FGF14: variants seen among roughly 807,000 people sequenced by gnomAD.
FGF14 encodes fibroblast growth factor 14.
Under a neutral mutation model 25.5 loss-of-function variants are expected in FGF14, and 5 were observed. The ratio of observed to expected loss-of-function variants is 0.20; its 90% CI spans 0.10 to 0.41. FGF14 has a LOEUF of 0.41. FGF14 is among the 10% of genes least tolerant of loss of function. The pLI is 1.00. For missense variants in FGF14, 222 were observed against 320.1 expected, an observed-to-expected ratio of 0.69 and a Z score of 2.34; for synonymous variants, 138 against 118.3, an observed-to-expected ratio of 1.17 and a Z score of -1.08.
chr13:101,899,501 T>C (rs11840601), intron 1 of FGF14, among the ~76,000 whole-genome samples: 2,595 of 151,980 alleles, frequency 0.017, 87 homozygotes, highest in African/African-American at 0.056. Flanking sequence ...ATGAGTTCAA[T>C]AGCAAGAGAA....
At chr13:101,892,470 G>A (rs928381946) in intron 1 of FGF14, among the ~76,000 whole-genome samples, 3 of 152,070 alleles carry the variant, frequency 2.0e-5, no homozygotes, top group Non-Finnish European at 4.4e-5. Flanking sequence ...GAAATCCCTG[G>A]GCCTTGTAAT....
intron 1 of FGF14, among the ~76,000 whole-genome samples, chr13:102,029,985 C>T (rs2041129841): frequency 6.6e-6 from 1 of 151,930 alleles, no homozygotes; most frequent in South Asian, 2.1e-4. Flanking sequence ...GGGGGACAGT[C>T]AACAAACAAG....
chr13:101,884,062 C>CAAAAAAAAAAA (rs11315735), intron 1 of FGF14, among the ~76,000 whole-genome samples: 7 of 37,832 alleles, frequency 1.9e-4, no homozygotes, highest in African/African-American at 5.4e-4. Flanking sequence ...GACTCCATCT[C>CAAAAAAAAAAA]AAAAAAAAAA....
intron 1 of FGF14, among the ~76,000 whole-genome samples, chr13:102,021,445 TG>T (rs1243567428): frequency 7.2e-5 from 11 of 151,772 alleles, no homozygotes; most frequent in African/African-American, 2.7e-4. Flanking sequence ...AAGAGCCCTT[TG>T]GGAGAACTGT....
At chr13:102,297,287 A>G (rs1210024830) in intron 1 of FGF14, among the ~76,000 whole-genome samples, 1 of 152,164 alleles carries the variant, frequency 6.6e-6, no homozygotes, top group Non-Finnish European at 1.5e-5. Flanking sequence ...AAAACAGGGA[A>G]AGTTTGCAAA....
At position 101,871,055 on chromosome 13, in the gene FGF14, T is replaced by C. The variant is rs1032753494; in HGVS notation, c.305-2227A>G. Among the ~76,000 whole-genome samples the C allele has an allele frequency of 6.6e-5, 10 of 152,282 alleles. 1 individual carries two copies. Among genetic ancestry groups the C allele is most frequent in the Admixed American group, 4.6e-4 (7 of 15,288 alleles). ...AATGATAGTGGAAAGTGAATGCTTA[T>C]GTACACTAAAATGTGGAGAACCATT... is the stretch of plus-strand genomic sequence containing the variant. On this transcript the variant is annotated intron_variant, in intron 2 of 4. Coordinates refer to ENST00000376143, the MANE Select transcript of FGF14 (RefSeq NM_004115.4).
intron 3 of FGF14, among the ~76,000 whole-genome samples, chr13:101,762,384 A>C (rs1566868839): frequency 6.6e-6 from 1 of 152,224 alleles, no homozygotes; most frequent in Non-Finnish European, 1.5e-5. Context: ...TAAGATTCTA[A>C]ACAAGAAACT....
intron 1 of FGF14, among the ~76,000 whole-genome samples, chr13:102,038,712 T>C (rs2041591354): frequency 6.6e-6 from 1 of 152,162 alleles, no homozygotes; most frequent in South Asian, 2.1e-4. Context: ...TTTTATGTCA[T>C]AAAATAAAGC....
intron 3 of FGF14, among the ~76,000 whole-genome samples, chr13:101,731,652 G>A (rs1379752686): frequency 6.6e-6 from 1 of 152,140 alleles, no homozygotes; most frequent in South Asian, 2.1e-4. Context: ...AGAGACTTCT[G>A]GTTGGAAGGA....
At chr13:101,849,470 T>G in intron 3 of FGF14, among the ~76,000 whole-genome samples, 1 of 152,198 alleles carries the variant, frequency 6.6e-6, no homozygotes, top group East Asian at 1.9e-4. Flanking sequence ...CTCAAGCTTC[T>G]CCACACTTTC....
chr13:102,161,574 A>AAGAGGAAGAAGAAGAGG (rs1555369410), intron 1 of FGF14, among the ~76,000 whole-genome samples: 4 of 5,312 alleles, frequency 7.5e-4, no homozygotes, highest in Non-Finnish European at 1.3e-3. Context: ...GTGAAGAAAG[A>AAGAGGAAGAAGAAGAGG]AAGAAGAAGA....
chr13:101,916,666 C>G lies in FGF14; in HGVS notation c.-21G>C. On this transcript the variant is annotated 5_prime_UTR_variant, in exon 1 of 5. Coordinates refer to ENST00000376143, the MANE Select transcript of FGF14 (RefSeq NM_004115.4). ...GCCATGGTGGCCCCGGGAACGGGTC[C>G]GGGGAGGGAGGGCGCGGGAGGACGG... The G allele has an allele frequency of 3.3e-6, 5 of 1,508,454 alleles. No individual in the cohort carries two copies. Among genetic ancestry groups the G allele is most frequent in the East Asian group, 4.9e-5 (2 of 40,568 alleles). 93.4% of individuals were successfully genotyped at this position (1,508,454 alleles called of 1,614,324 possible).
chr13:101,922,857 A>G (rs2034101660), intron 1 of FGF14, among the ~76,000 whole-genome samples: 2 of 151,836 alleles, frequency 1.3e-5, no homozygotes, highest in Non-Finnish European at 2.9e-5. Context: ...TATCCTTCAA[A>G]TGAACAAAAA....
chr13:102,160,271 A>C (rs891700827), intron 1 of FGF14, among the ~76,000 whole-genome samples: 1 of 152,072 alleles, frequency 6.6e-6, no homozygotes, highest in Non-Finnish European at 1.5e-5. Context: ...TGGCCCATCC[A>C]ACTGTTTCTG....
intron 1 of FGF14, among the ~76,000 whole-genome samples, chr13:102,197,587 T>G (rs1244981631): frequency 6.6e-6 from 1 of 151,708 alleles, no homozygotes; most frequent in Non-Finnish European, 1.5e-5. Context: ...ATAAATATAT[T>G]TATGCATAAA....
intron 3 of FGF14, among the ~76,000 whole-genome samples, chr13:101,822,883 C>T (rs572733525): frequency 6.6e-6 from 1 of 152,280 alleles, no homozygotes; most frequent in African/African-American, 2.4e-5. Context: ...ATCCTTCTGT[C>T]CACAACTATC....
At chr13:102,352,067 T>A (rs931913716) in intron 1 of FGF14, among the ~76,000 whole-genome samples, 4 of 152,130 alleles carry the variant, frequency 2.6e-5, no homozygotes, top group African/African-American at 9.7e-5. Context: ...TACAAGCAAA[T>A]GTTTAAAACG....
rs1320130285 is a variant in FGF14, at chr13:102,256,329, CAAAAAAAAATT to C, written c.208+145131_208+145141del. Among the ~76,000 whole-genome samples, 6 of 150,336 alleles carry C rather than the reference CAAAAAAAAATT, an allele frequency of 4.0e-5. 1 individual carries two copies. In the East Asian group the frequency reaches 1.2e-3, roughly 29 times the overall value. Reference sequence around the variant, plus strand: ...GCAACACAGGTAGACCCCATCTCTACAAAAAAAAATTAAAAAAAAATTAGCCAAGCATGGTG... The same window carrying C: ...GCAACACAGGTAGACCCCATCTCTACAAAAAAAAATTAGCCAAGCATGGTG... On this transcript the variant is annotated intron_variant, in intron 1 of 4. Coordinates refer to the FGF14 transcript ENST00000376131.
intron 3 of FGF14, among the ~76,000 whole-genome samples, chr13:101,773,294 A>G (rs1261056115): frequency 2.6e-5 from 4 of 152,178 alleles, no homozygotes; most frequent in Non-Finnish European, 4.4e-5. Flanking sequence ...ACAGATGAGT[A>G]ATCAGTTGCT....
Sources: allele counts gnomAD v4.1 joint callset (sites outside exome capture counted in the v4.1 genomes callset), GRCh38; gene constraint gnomAD v4.1.1; transcripts MANE v1.5; gene names NCBI Gene and HGNC (gene_info 2026-07-23, HGNC 2026-07-21).